The following UBE2E1 variants were observed in gnomAD, a reference collection of about 807,000 sequenced individuals.
UBE2E1 encodes ubiquitin conjugating enzyme E2 E1.
A neutral mutation model predicts 21.4 loss-of-function variants in UBE2E1; 6 were observed. That is an observed-to-expected ratio of 0.28 (90% CI 0.15 to 0.55). UBE2E1 has a LOEUF of 0.55. Among genes scored for constraint, UBE2E1 ranks in the 20% least tolerant of loss-of-function variants. The pLI is 0.93. For synonymous variants in UBE2E1, 87 were observed against 82.7 expected (o/e 1.05, Z -0.28); for missense variants, 142 against 236.5 (o/e 0.60, Z 2.62).
intron 3 of UBE2E1, among the ~76,000 whole-genome samples, chr3:23,880,050 C>G (rs1701003977): frequency 6.6e-6 from 1 of 151,874 alleles, no homozygotes; most frequent in African/African-American, 2.4e-5. Flanking sequence ...AATTTGAGAC[C>G]AGCCTATGCA....
Position 23,884,680 on chromosome 3 carries a change from T to C in UBE2E1, c.204-2887T>C, listed in dbSNP as rs34918494. On this transcript the variant is annotated intron_variant, in intron 3 of 5. Coordinates refer to ENST00000306627, the MANE Select transcript of UBE2E1 (RefSeq NM_003341.5). ...GCCTAGACTGCCCTCACTTTTGTTT[T>C]TTTCTAGGTTGGTTTCTTAGCACTA... 4.6e-4 allele frequency among the ~76,000 whole-genome samples: 70 copies of C among 152,326 alleles called. 2 individuals are homozygous for C. In the South Asian group the frequency reaches 0.014, roughly 31 times the overall value.
At chr3:23,888,870 A>AT (rs1701267506) in intron 4 of UBE2E1, among the ~76,000 whole-genome samples, 1 of 152,258 alleles carries the variant, frequency 6.6e-6, no homozygotes, top group Non-Finnish European at 1.5e-5. Context: ...AAAGATTTAA[A>AT]ATTGCTAAAG....
At chr3:23,862,234 G>A (rs555315753) in intron 3 of UBE2E1, among the ~76,000 whole-genome samples, 2 of 152,296 alleles carry the variant, frequency 1.3e-5, no homozygotes, top group South Asian at 4.1e-4. Context: ...TGCTTAGCAG[G>A]CATGTAAGGT....
intron 3 of UBE2E1, among the ~76,000 whole-genome samples, chr3:23,822,402 A>G (rs1008993777): frequency 6.6e-6 from 1 of 152,196 alleles, no homozygotes; most frequent in Non-Finnish European, 1.5e-5. Flanking sequence ...AACATAGTAT[A>G]TATAATTTTG....
intron 3 of UBE2E1, among the ~76,000 whole-genome samples, chr3:23,865,860 G>A (rs756771700): frequency 1.3e-5 from 2 of 152,142 alleles, no homozygotes; most frequent in African/African-American, 2.4e-5. Context: ...GGCTTGTTAC[G>A]TTTAGGTAGC....
intron 3 of UBE2E1, among the ~76,000 whole-genome samples, chr3:23,849,750 T>C (rs1700283167): frequency 6.6e-6 from 1 of 152,220 alleles, no homozygotes. Flanking sequence ...CTTTATCCAG[T>C]CTATCATTGA....
chr3:23,852,697 C>T (rs543185652), intron 3 of UBE2E1, among the ~76,000 whole-genome samples: 17 of 152,298 alleles, frequency 1.1e-4, no homozygotes, highest in African/African-American at 3.4e-4. Flanking sequence ...TGGGCTCAAG[C>T]GATCCTCCCA....
At position 23,810,532 on chromosome 3, in the gene UBE2E1, C is replaced by G; in HGVS notation, c.153-928C>G. 6.5e-7 allele frequency: 1 copy of G among 1,534,554 alleles called. No homozygotes were observed. Among genetic ancestry groups the G allele is most frequent in the South Asian group, 1.2e-5 (1 of 83,976 alleles). On this transcript the variant is annotated intron_variant, in intron 2 of 5. Coordinates refer to ENST00000306627, the MANE Select transcript of UBE2E1 (RefSeq NM_003341.5). This position sits in a 1 kb window ranked among gnomAD's most constrained non-coding sequence, Gnocchi z 5.8. The stretch of plus-strand genomic sequence containing the variant: ...GAGGACGCCCGGGGAAAAGCAGGTC[C>G]GGGGAGGTGGGCCGAGAGTCCCGGC...
At position 23,822,840 on chromosome 3, in the gene UBE2E1, C is replaced by T. The variant is rs573611501; in HGVS notation, c.203+11330C>T. On this transcript the variant is annotated intron_variant, in intron 3 of 5. Transcript: ENST00000306627. Reference sequence around the variant, plus strand: ...TCATCCCCTCCCCCATCCCCCCACCCCCAACCCCCGCCACCGCCCTTCCAG... The same window carrying T: ...TCATCCCCTCCCCCATCCCCCCACCTCCAACCCCCGCCACCGCCCTTCCAG... Among the ~76,000 whole-genome samples the T allele has an allele frequency of 1.4e-4, 20 of 145,294 alleles. No individual in the cohort carries two copies. In the South Asian group the frequency reaches 4.4e-3, roughly 32 times the overall value.
At chr3:23,856,256 C>G (rs915087512) in intron 3 of UBE2E1, among the ~76,000 whole-genome samples, 1 of 152,144 alleles carries the variant, frequency 6.6e-6, no homozygotes, top group East Asian at 1.9e-4. Context: ...TCTCAAACTC[C>G]TGACCTTGTG....
chr3:23,849,986 G>C (rs917150349), intron 3 of UBE2E1, among the ~76,000 whole-genome samples: 2 of 152,140 alleles, frequency 1.3e-5, no homozygotes, highest in African/African-American at 4.8e-5. Flanking sequence ...ATGACATTCA[G>C]AATTGTATTT....
intron 3 of UBE2E1, among the ~76,000 whole-genome samples, chr3:23,844,422 G>A (rs1032679119): frequency 3.9e-5 from 6 of 152,148 alleles, no homozygotes; most frequent in Non-Finnish European, 5.9e-5. Context: ...AATTCATTGC[G>A]TTGAACAGCC....
chr3:23,887,901 G>A lies in UBE2E1; in HGVS notation c.336+202G>A, dbSNP rs991078900. ...AGACCATTCTAGGATTAAGTGCTTT[G>A]TTTTGATGGTGCTTAAAATTGTGCT... On this transcript the variant is annotated intron_variant, in intron 4 of 5. Coordinates refer to ENST00000306627, the MANE Select transcript of UBE2E1 (RefSeq NM_003341.5). The surrounding 1 kb of genome is among the most constrained non-coding windows in gnomAD (Gnocchi z 4.4). 1.7e-5 allele frequency: 11 copies of A among 630,690 alleles called. No homozygotes were observed. Among genetic ancestry groups the A allele is most frequent in the Non-Finnish European group, 2.9e-5 (11 of 383,406 alleles). The allele number at this position is 630,690 out of a possible 1,614,324, so 39.1% of individuals were successfully genotyped here. A position where few individuals can be genotyped will look rare whatever the true frequency, so the allele number is the denominator to read the frequency against.
intron 3 of UBE2E1, among the ~76,000 whole-genome samples, chr3:23,872,696 A>G (rs910816300): frequency 2.6e-5 from 4 of 152,354 alleles, no homozygotes; most frequent in African/African-American, 9.6e-5. Flanking sequence ...AATATAAATA[A>G]CATTTTAAAT....
chr3:23,877,539 C>G (rs187811318), intron 3 of UBE2E1, among the ~76,000 whole-genome samples: 2 of 152,258 alleles, frequency 1.3e-5, no homozygotes, highest in African/African-American at 2.4e-5. Flanking sequence ...TTAGCACCTC[C>G]CTCCCGTTTG....
chr3:23,825,970 T>C (rs1367730556), intron 3 of UBE2E1, among the ~76,000 whole-genome samples: 2 of 151,898 alleles, frequency 1.3e-5, no homozygotes, highest in Non-Finnish European at 2.9e-5. Context: ...AGGCTGGGAG[T>C]TTGAAGCTGT....
In UBE2E1 at chr3:23,829,251, C is replaced by T. The variant is rs148436558; in HGVS notation, c.203+17741C>T. Reference sequence around the variant, plus strand: ...TCATAGCTCACTGCAGCCTTGAACTCCTGGGGTCAAGCGATCCTCCCACCT... The same window carrying T: ...TCATAGCTCACTGCAGCCTTGAACTTCTGGGGTCAAGCGATCCTCCCACCT... On this transcript the variant is annotated intron_variant, in intron 3 of 5. Coordinates refer to ENST00000306627, the MANE Select transcript of UBE2E1 (RefSeq NM_003341.5). Among the ~76,000 whole-genome samples the T allele has an allele frequency of 1.8e-4, 27 of 150,874 alleles. 1 individual carries two copies. In the East Asian group the frequency reaches 5.2e-3, roughly 29 times the overall value.
rs560694546 is a variant in UBE2E1 at position 23,876,620 on chromosome 3, GTTT to G, written c.204-10943_204-10941del. 5.9e-5 allele frequency among the ~76,000 whole-genome samples: 9 copies of G among 151,966 alleles called. No homozygotes were observed. The highest frequency in any genetic ancestry group is 5.9e-4 in the Admixed American group (9 of 15,262). On this transcript the variant is annotated intron_variant, in intron 3 of 5. Transcript: ENST00000306627. This position sits in a 1 kb window ranked among gnomAD's most constrained non-coding sequence, Gnocchi z 4.3. The stretch of plus-strand genomic sequence containing the variant: ...AAGCATTTTGTAAATTCAGTTTTGG[GTTT>G]TTTGTTTTTTGTTTCTTGTTTTTGT...
chr3:23,814,018 A>G (rs751365151), intron 3 of UBE2E1, among the ~76,000 whole-genome samples: 3 of 152,176 alleles, frequency 2.0e-5, no homozygotes, highest in Non-Finnish European at 2.9e-5. Flanking sequence ...TCCTTTCTTC[A>G]GTCAGCATTC....
Sources: gnomAD v4.1 joint callset for allele counts (sites outside exome capture counted in the v4.1 genomes callset) on GRCh38, gnomAD v4.1.1 for gene constraint, Gnocchi (gnomAD v3.1) non-coding constraint, MANE v1.5 for transcripts, NCBI Gene and HGNC (gene_info 2026-07-23, HGNC 2026-07-21) for gene names.